EYS: variants seen among roughly 807,000 people sequenced by gnomAD.
EYS encodes the protein EGF-like photoreceptor maintenance factor, also known as protein eyes shut homolog.
A neutral mutation model predicts 282.1 loss-of-function variants in EYS; 250 were observed. The ratio of observed to expected loss-of-function variants is 0.89; its 90% CI spans 0.80 to 0.98. The LOEUF is 0.98. EYS is among the 50% of genes least tolerant of loss of function. EYS has a pLI of 0.00. For missense variants in EYS, 4,016 were observed against 3,709.0 expected (o/e 1.08, Z -2.15); for synonymous variants, 1,355 against 1,282.9 (o/e 1.06, Z -1.20).
intron 1 of EYS, among the ~76,000 whole-genome samples, chr6:65,652,778 CA>C (rs1203782866): frequency 6.6e-6 from 1 of 151,920 alleles, no homozygotes; most frequent in African/African-American, 2.4e-5. Context: ...GATGAAATAT[CA>C]GTTATCTAAT....
chr6:64,924,152 G>A (rs550518003), intron 15 of EYS, among the ~76,000 whole-genome samples: 1 of 152,316 alleles, frequency 6.6e-6, no homozygotes, highest in South Asian at 2.1e-4. Context: ...TGAAATCTAG[G>A]CAGAGGTTCC....
chr6:64,644,953 A>T (rs1768298133), intron 22 of EYS, among the ~76,000 whole-genome samples: 1 of 152,200 alleles, frequency 6.6e-6, no homozygotes, highest in Admixed American at 6.5e-5. Flanking sequence ...TTTTATTAGT[A>T]GTTATTTTCT....
chr6:65,574,621 A>G (rs1764594498), intron 2 of EYS, among the ~76,000 whole-genome samples: 1 of 152,202 alleles, frequency 6.6e-6, no homozygotes, highest in African/African-American at 2.4e-5. Flanking sequence ...AAGCTAAGTA[A>G]TAGTAATATA....
Position 64,337,957 on chromosome 6 carries a change from A to T in EYS, c.6079-30875T>A, listed in dbSNP as rs565022984. Among the ~76,000 whole-genome samples, 4 of 151,970 alleles carry T rather than the reference A, an allele frequency of 2.6e-5. No individual in the cohort carries two copies. In the South Asian group the frequency reaches 8.3e-4, roughly 31 times the overall value. ...CTTTATGATTAAAACTATCAGCAAAATCAGCATACAAGGGACACACCTTAG... is the reference window on the plus strand; with the variant it reads ...CTTTATGATTAAAACTATCAGCAAATTCAGCATACAAGGGACACACCTTAG... On this transcript the variant is annotated intron_variant, in intron 29 of 42. Coordinates refer to ENST00000503581, the MANE Select transcript of EYS (RefSeq NM_001142800.2).
At chr6:64,884,515 A>T (rs1438430648) in intron 19 of EYS, among the ~76,000 whole-genome samples, 1 of 151,550 alleles carries the variant, frequency 6.6e-6, no homozygotes, top group Non-Finnish European at 1.5e-5. Flanking sequence ...AAATGGAACA[A>T]CCTAAAAATG....
At chr6:64,774,355 C>T (rs1233987898) in intron 22 of EYS, among the ~76,000 whole-genome samples, 1 of 151,842 alleles carries the variant, frequency 6.6e-6, no homozygotes, top group Non-Finnish European at 1.5e-5. Context: ...ACTGCAAAGG[C>T]TTGTGATTGG....
intron 12 of EYS, among the ~76,000 whole-genome samples, chr6:65,205,073 G>A (rs1467404009): frequency 7.0e-6 from 1 of 141,920 alleles, no homozygotes; most frequent in East Asian, 2.0e-4. Flanking sequence ...TATTCTAGAA[G>A]AATATATTTA....
chr6:65,585,290 A>T lies in EYS; in HGVS notation c.-333+54488T>A, dbSNP rs551531373. On this transcript the variant is annotated intron_variant, in intron 2 of 42. Transcript: ENST00000503581. ...ATAGCTCTTTCGAATGATTATTGCT[A>T]ATGTATTCATCTCTGACAAAGCACA... Among the ~76,000 whole-genome samples the T allele has an allele frequency of 3.9e-5, 6 of 152,072 alleles. No individual in the cohort carries two copies. The South Asian group carries it at 1.2e-3, about 31-fold the overall frequency.
chr6:63,752,619 A>G (rs1156494526), intron 41 of EYS, among the ~76,000 whole-genome samples: 1 of 148,088 alleles, frequency 6.8e-6, no homozygotes. Flanking sequence ...CAGCCTCCCC[A>G]GCAGCTGGGA....
intron 33 of EYS, among the ~76,000 whole-genome samples, chr6:64,027,588 C>A (rs1382375594): frequency 6.6e-6 from 1 of 152,126 alleles, no homozygotes; most frequent in Non-Finnish European, 1.5e-5. Context: ...GACAAACAAA[C>A]CTTGGTGGTT....
chr6:64,755,717 G>A (rs898714835), intron 22 of EYS, among the ~76,000 whole-genome samples: 45 of 152,166 alleles, frequency 3.0e-4, no homozygotes, highest in African/African-American at 1.1e-3. Flanking sequence ...ATAGAGAGTG[G>A]AATAATAGAC....
intron 22 of EYS, among the ~76,000 whole-genome samples, chr6:64,748,944 T>G (rs1772652787): frequency 6.6e-6 from 1 of 152,128 alleles, no homozygotes. Context: ...AGCTAATTTT[T>G]GTATTTTTAG....
At chr6:65,333,745 A>G (rs1337730496) in intron 11 of EYS, among the ~76,000 whole-genome samples, 1 of 151,684 alleles carries the variant, frequency 6.6e-6, no homozygotes, top group African/African-American at 2.4e-5. Context: ...ATATATACAC[A>G]CACATATATG....
At chr6:64,778,962 AT>A (rs1187346634) in intron 22 of EYS, among the ~76,000 whole-genome samples, 1 of 152,158 alleles carries the variant, frequency 6.6e-6, no homozygotes, top group African/African-American at 2.4e-5. Flanking sequence ...ACCTATTAGA[AT>A]GGGTAAAACA....
At chr6:65,645,416 A>G (rs1373688008) in intron 1 of EYS, among the ~76,000 whole-genome samples, 7 of 152,212 alleles carry the variant, frequency 4.6e-5, no homozygotes. Context: ...GAAATTAAAT[A>G]AACTGTTCCT....
At chr6:65,355,978 T>C (rs1309117433) in intron 8 of EYS, among the ~76,000 whole-genome samples, 9 of 152,046 alleles carry the variant, frequency 5.9e-5, no homozygotes, top group Non-Finnish European at 4.4e-5. Context: ...CACTACCGGA[T>C]ATCTGCGCAA....
chr6:64,677,138 T>G (rs1276125895), intron 22 of EYS, among the ~76,000 whole-genome samples: 1 of 152,208 alleles, frequency 6.6e-6, no homozygotes, highest in Non-Finnish European at 1.5e-5. Flanking sequence ...TCTAACAATA[T>G]TAATCATAAA....
intron 22 of EYS, among the ~76,000 whole-genome samples, chr6:64,750,284 TC>T (rs1462057636): frequency 2.0e-5 from 3 of 152,042 alleles, no homozygotes; most frequent in Non-Finnish European, 4.4e-5. Context: ...ATTCCTAGAT[TC>T]TTCTATTGGA....
At chr6:64,681,659 T>G (rs938144183) in intron 22 of EYS, among the ~76,000 whole-genome samples, 2 of 152,058 alleles carry the variant, frequency 1.3e-5, no homozygotes, top group African/African-American at 4.8e-5. Flanking sequence ...TTTGGGAGGC[T>G]GAGGCGGGCG....
Sources: allele counts gnomAD v4.1 joint callset (sites outside exome capture counted in the v4.1 genomes callset), GRCh38; gene constraint gnomAD v4.1.1; transcripts MANE v1.5; gene names NCBI Gene and HGNC (gene_info 2026-07-23, HGNC 2026-07-21).